The following TTYH2 variants were observed in gnomAD, a reference collection of about 807,000 sequenced individuals.
TTYH2 encodes the protein protein tweety homolog 2.
Under a neutral mutation model 68.3 loss-of-function variants are expected in TTYH2, and 49 were observed. The observed-to-expected ratio is 0.72, with a 90% CI of 0.57 to 0.91. TTYH2 has a LOEUF of 0.91. TTYH2 is among the 40% of genes least tolerant of loss of function. The probability of loss-of-function intolerance (pLI) is 0.00; values close to 1 mark genes in which losing one functional copy is unlikely to be tolerated. For synonymous variants in TTYH2, 272 were observed against 300.8 expected (o/e 0.90, Z 0.99); for missense variants, 631 against 700.4 (o/e 0.90, Z 1.12).
chr17:74,249,490 A>G (rs1870993), intron 8 of TTYH2, 91 bp downstream of exon 8: 584,687 of 1,437,962 alleles, frequency 0.41, 124,677 homozygotes, highest in African/African-American at 0.69. Context: ...CGGAGGTGGC[A>G]GGGCCTTGCT....
At chr17:74,231,102 G>C in intron 3 of TTYH2, 103 bp downstream of exon 3, 1 of 1,093,212 alleles carries the variant, frequency 9.1e-7, no homozygotes, top group Non-Finnish European at 1.3e-6. Context: ...GCTGCACACG[G>C]AGGGGCTGTG....
At chr17:74,244,222 A>G (rs2050532762) in intron 6 of TTYH2, 173 bp downstream of exon 6, 1 of 627,432 alleles carries the variant, frequency 1.6e-6, no homozygotes, top group South Asian at 2.0e-5. Flanking sequence ...AGATGGGGAA[A>G]CAGGCCCAGA....
At chr17:74,238,284 C>T (rs1382409012) in intron 4 of TTYH2, among the ~76,000 whole-genome samples, 1 of 152,216 alleles carries the variant, frequency 6.6e-6, no homozygotes, top group Non-Finnish European at 1.5e-5. Flanking sequence ...GCTAAGGGTG[C>T]TAAGAAGTTG....
Position 74,261,251 on chromosome 17 carries a change from C to T in TTYH2, c.*1042C>T, listed in dbSNP as rs1598239318. 1 of 152,256 alleles carries T rather than the reference C, an allele frequency of 6.6e-6. No individual in the cohort carries two copies. Among genetic ancestry groups the T allele is most frequent in the East Asian group, 1.9e-4 (1 of 5,166 alleles). 9.4% of individuals were successfully genotyped at this position (152,256 alleles called of 1,614,324 possible). A position where few individuals can be genotyped will look rare whatever the true frequency, so the allele number is the denominator to read the frequency against. ...TCCCAAGCTACTGTTTGGTGGGGAT[C>T]TGGGTTCATCTCACCCACAGAGGGA... On this transcript the variant is annotated 3_prime_UTR_variant, in exon 14 of 14. Coordinates refer to ENST00000269346, the MANE Select transcript of TTYH2 (RefSeq NM_032646.6).
At position 74,213,696 on chromosome 17, in the gene TTYH2, G is replaced by A; in HGVS notation, c.109G>A (p.Gly37Ser). The change falls in exon 1 of 14, where the codon GGC becomes AGC. Residue 37 changes from glycine (G) to serine (S), a missense_variant. Physicochemically the swap from Gly to Ser is moderately conservative, Grantham distance 56. Transcript: ENST00000269346. This position sits in a 1 kb window ranked among gnomAD's most constrained non-coding sequence, Gnocchi z 6.1. ...GCCCGTGAACAGCACCTTCAGCCCC[G>A]GCGACGAGAGTTACCAGGAGGTAAG... is the stretch of plus-strand genomic sequence containing the variant. ...LQPVNSTFSP[G>S]DESYQESLLF... 6.2e-7 allele frequency: 1 copy of A among 1,612,408 alleles called. No individual in the cohort carries two copies. Among genetic ancestry groups the A allele is most frequent in the South Asian group, 1.1e-5 (1 of 90,998 alleles).
rs2050235715 is a variant in TTYH2 at position 74,217,820 on chromosome 17, C to A, written c.129+4104C>A. Reference sequence around the variant, plus strand: ...AACTTGGGTCCCAGCTTGGCACTCTCCGCTCTGGGTTTTTCATGACACAGT... The same window carrying A: ...AACTTGGGTCCCAGCTTGGCACTCTACGCTCTGGGTTTTTCATGACACAGT... On this transcript the variant is annotated intron_variant, in intron 1 of 13. Transcript: ENST00000269346. The surrounding 1 kb of genome is among the most constrained non-coding windows in gnomAD (Gnocchi z 4.0). 6.6e-6 allele frequency among the ~76,000 whole-genome samples: 1 copy of A among 152,194 alleles called. No individual in the cohort carries two copies. The highest frequency in any genetic ancestry group is 1.5e-5 in the Non-Finnish European group (1 of 68,034).
At chr17:74,253,665 T>C in intron 12 of TTYH2, 90 bp from the exon 13 acceptor site, 3 of 1,289,284 alleles carry the variant, frequency 2.3e-6, no homozygotes, top group Non-Finnish European at 3.4e-6. Context: ...CCACCTCCCA[T>C]GTGCTCACCC....
chr17:74,258,698 T>TG (rs953620729), intron 13 of TTYH2, among the ~76,000 whole-genome samples: 1 of 152,180 alleles, frequency 6.6e-6, no homozygotes. Context: ...TCATTCTCGG[T>TG]GGGGGGTTCC....
At chr17:74,245,514 G>A (rs548499028) in intron 6 of TTYH2, among the ~76,000 whole-genome samples, 42 of 152,330 alleles carry the variant, frequency 2.8e-4, no homozygotes, top group East Asian at 1.4e-3. Context: ...TGTGGTGGCC[G>A]CCCCTCCCAG....
In TTYH2 at chr17:74,260,541, C is replaced by T; in HGVS notation, c.*332C>T. 2 of 359,292 alleles carry T rather than the reference C, an allele frequency of 5.6e-6. No individual in the cohort carries two copies. The highest frequency in any genetic ancestry group is 5.3e-6 in the Non-Finnish European group (1 of 187,094). The allele number at this position is 359,292 out of a possible 1,614,324, so 22.3% of individuals were successfully genotyped here. ...GAGGGGAGTGGCAGTGAGGAGGGGG[C>T]CAGGTCAGGCACCACCATCAAGAGA... On this transcript the variant is annotated 3_prime_UTR_variant, in exon 14 of 14. Transcript: ENST00000269346.
At chr17:74,248,718 G>A (rs557553389) in intron 6 of TTYH2, 42 of 1,326,714 alleles carry the variant, frequency 3.2e-5, no homozygotes, top group East Asian at 2.4e-4. Flanking sequence ...AACAGCATGC[G>A]CTCTGCCCCA....
chr17:74,252,707 G>C (rs947470324), intron 11 of TTYH2, among the ~76,000 whole-genome samples: 1 of 152,238 alleles, frequency 6.6e-6, no homozygotes, highest in Non-Finnish European at 1.5e-5. Context: ...GCTGGGAGGG[G>C]TGCCCCAGGA....
Position 74,215,713 on chromosome 17 carries a change from G to T in TTYH2, c.129+1997G>T, listed in dbSNP as rs1567807911. The T allele has an allele frequency of 6.5e-7, 1 of 1,535,638 alleles. No homozygotes were observed. Among genetic ancestry groups the T allele is most frequent in the Admixed American group, 2.0e-5 (1 of 50,998 alleles). On this transcript the variant is annotated intron_variant, in intron 1 of 13. Coordinates refer to ENST00000269346, the MANE Select transcript of TTYH2 (RefSeq NM_032646.6). The surrounding 1 kb of genome is among the most constrained non-coding windows in gnomAD (Gnocchi z 4.3). ...TTATTTAAGGTGGCTCCTGTTTTTG[G>T]TAAGTTCCCCTGTTGTGACCACAGG...
rs368910943 is a variant in TTYH2, at chr17:74,213,666, C to G, written c.79C>G (p.Leu27Val). Residue 27 changes from leucine (L) to valine (V), a missense_variant, in exon 1 of 14, where the codon CTG becomes GTG. Transcript: ENST00000269346. This position sits in a 1 kb window ranked among gnomAD's most constrained non-coding sequence, Gnocchi z 6.1. The stretch of plus-strand genomic sequence containing the variant: ...CAGCGTCCCGCACGTCGGCCTGCGC[C>G]TGCAGCCCGTGAACAGCACCTTCAG... ...LHSVPHVGLR[L>V]QPVNSTFSPG... is the part of the protein sequence containing the mutation. 6.2e-7 allele frequency: 1 copy of G among 1,612,582 alleles called. No homozygotes were observed. The highest frequency in any genetic ancestry group is 1.3e-5 in the African/African-American group (1 of 74,866).
At position 74,243,890 on chromosome 17, in the gene TTYH2, G is replaced by A. The variant is rs368579904; in HGVS notation, c.732-87G>A. 366 of 1,250,644 alleles carry A rather than the reference G, an allele frequency of 2.9e-4. 6 individuals carry two copies. In the East Asian group the frequency reaches 5.6e-3, roughly 19 times the overall value. 77.5% of individuals were successfully genotyped at this position (1,250,644 alleles called of 1,614,324 possible). A position where few individuals can be genotyped will look rare whatever the true frequency, so the allele number is the denominator to read the frequency against. On this transcript the variant is annotated intron_variant, in intron 5 of 13. Coordinates refer to ENST00000269346, the MANE Select transcript of TTYH2 (RefSeq NM_032646.6). Reference sequence around the variant, plus strand: ...GACTGAGGCTGCCTTTGGATCCATTGCAAGGGTCTGGGGGCAGGGTGGGTG... The same window carrying A: ...GACTGAGGCTGCCTTTGGATCCATTACAAGGGTCTGGGGGCAGGGTGGGTG...
chr17:74,230,610 T>C (rs147628750), intron 2 of TTYH2, among the ~76,000 whole-genome samples: 5 of 152,190 alleles, frequency 3.3e-5, no homozygotes, highest in Non-Finnish European at 7.4e-5. Flanking sequence ...CCACTTAATT[T>C]TGCTGTGAAC....
rs1444847709 is a variant in TTYH2, at chr17:74,258,261, G to A, written c.1525-1868G>A. ...CAGAAAATCTGAGTTGGAGCCTGGA[G>A]ATGTGCCTTTTTTGTTTTTTTGAGA... On this transcript the variant is annotated intron_variant, in intron 13 of 13. Coordinates refer to ENST00000269346, the MANE Select transcript of TTYH2 (RefSeq NM_032646.6). 2.6e-5 allele frequency among the ~76,000 whole-genome samples: 4 copies of A among 152,064 alleles called. No homozygotes were observed. The East Asian group carries it at 7.7e-4, about 29-fold the overall frequency.
chr17:74,254,978 C>T (rs2050678392), intron 13 of TTYH2, among the ~76,000 whole-genome samples: 1 of 152,206 alleles, frequency 6.6e-6, no homozygotes, highest in Non-Finnish European at 1.5e-5. Context: ...TTGTCCACCC[C>T]ACCACCTCCA....
At chr17:74,238,901 G>T (rs1427690930) in intron 4 of TTYH2, among the ~76,000 whole-genome samples, 1 of 151,654 alleles carries the variant, frequency 6.6e-6, no homozygotes. Flanking sequence ...TTAGAAATAG[G>T]GGTCTTGCTT....
Sources: allele counts gnomAD v4.1 joint callset (sites outside exome capture counted in the v4.1 genomes callset), GRCh38; gene constraint gnomAD v4.1.1; non-coding constraint Gnocchi (gnomAD v3.1); transcripts MANE v1.5; gene names NCBI Gene and HGNC (gene_info 2026-07-23, HGNC 2026-07-21).